The following CDC14A variants were observed in gnomAD, a reference collection of about 807,000 sequenced individuals.
CDC14A encodes cell division cycle 14A.
CDC14A carries 53 observed loss-of-function variants against 74.4 expected under a neutral mutation model. The ratio of observed to expected loss-of-function variants is 0.71; its 90% CI spans 0.57 to 0.89. CDC14A has a LOEUF of 0.89. Among genes scored for constraint, CDC14A ranks in the 40% least tolerant of loss-of-function variants. The pLI is 0.00. For synonymous variants in CDC14A, 247 were observed against 258.4 expected, an observed-to-expected ratio of 0.96 and a Z score of 0.43; for missense variants, 646 against 713.7, an observed-to-expected ratio of 0.91 and a Z score of 1.08.
chr1:100,395,301 C>T (rs1375558754), intron 4 of CDC14A, among the ~76,000 whole-genome samples: 1 of 152,124 alleles, frequency 6.6e-6, no homozygotes, highest in Non-Finnish European at 1.5e-5. Flanking sequence ...CTAAATGATA[C>T]CTCAAATTTA....
At chr1:100,380,928 C>A (rs781348228) in intron 3 of CDC14A, among the ~76,000 whole-genome samples, 6 of 152,196 alleles carry the variant, frequency 3.9e-5, no homozygotes, top group Non-Finnish European at 8.8e-5. Context: ...GTCCAGCCAC[C>A]ACCCTTTAGG....
At chr1:100,449,250 C>T (rs1665876342) in intron 7 of CDC14A, among the ~76,000 whole-genome samples, 3 of 152,172 alleles carry the variant, frequency 2.0e-5, no homozygotes, top group South Asian at 4.1e-4. Flanking sequence ...GGGATTGAGT[C>T]TTTCTTGGAT....
At chr1:100,387,650 G>A (rs980690492) in intron 3 of CDC14A, among the ~76,000 whole-genome samples, 2 of 152,096 alleles carry the variant, frequency 1.3e-5, no homozygotes, top group Admixed American at 1.3e-4. Flanking sequence ...AGCTTATAAA[G>A]TTTAAGCATT....
intron 4 of CDC14A, among the ~76,000 whole-genome samples, chr1:100,391,319 A>G (rs912376173): frequency 7.2e-5 from 11 of 152,070 alleles, no homozygotes; most frequent in African/African-American, 2.7e-4. Context: ...TAAATCCTGC[A>G]TATATTATAG....
Position 100,398,683 on chromosome 1 carries a change from A to G in CDC14A, c.309+7859A>G, listed in dbSNP as rs114809889. On this transcript the variant is annotated intron_variant, in intron 4 of 15. Coordinates refer to ENST00000336454, the MANE Select transcript of CDC14A (RefSeq NM_003672.4). ...ATGTGGGACAGGTGAGCAATAAACA[A>G]TTGTTTAAAGCGGGCAATAGGTACA... Among the ~76,000 whole-genome samples, 589 of 152,320 alleles carry G rather than the reference A, an allele frequency of 3.9e-3. 5 individuals are homozygous for G. The highest frequency in any genetic ancestry group is 0.013 in the African/African-American group (557 of 41,570).
chr1:100,434,706 C>G (rs941808919), intron 5 of CDC14A, among the ~76,000 whole-genome samples: 1 of 151,862 alleles, frequency 6.6e-6, no homozygotes. Context: ...AGACAGGGAG[C>G]GCTGCAAGAC....
intron 8 of CDC14A, among the ~76,000 whole-genome samples, chr1:100,460,679 T>G (rs1327669622): frequency 6.6e-6 from 1 of 152,256 alleles, no homozygotes; most frequent in African/African-American, 2.4e-5. Context: ...TTTTTGCAGT[T>G]AGAAAAGCAT....
At chr1:100,427,115 G>T (rs1663053484) in intron 5 of CDC14A, among the ~76,000 whole-genome samples, 1 of 151,510 alleles carries the variant, frequency 6.6e-6, no homozygotes. Flanking sequence ...TTATAATCTG[G>T]GTTTTATTAT....
At chr1:100,488,994 G>A (rs183537329) in intron 11 of CDC14A, among the ~76,000 whole-genome samples, 1 of 152,306 alleles carries the variant, frequency 6.6e-6, no homozygotes, top group East Asian at 1.9e-4. Flanking sequence ...GCTGAGGGTG[G>A]AAGGCCAGGG....
At chr1:100,498,244 A>G in intron 14 of CDC14A, 37 bp downstream of exon 14, 1 of 1,600,604 alleles carries the variant, frequency 6.2e-7, no homozygotes, top group Non-Finnish European at 8.5e-7. Context: ...TGCTGGTTTG[A>G]GGTAAAGGAA....
At chr1:100,467,856 C>G in intron 9 of CDC14A, 100 bp from the exon 10 acceptor site, 1 of 1,159,162 alleles carries the variant, frequency 8.6e-7, no homozygotes, top group Non-Finnish European at 1.2e-6. Context: ...TATCATCACA[C>G]TTGAATGCAG....
intron 2 of CDC14A, among the ~76,000 whole-genome samples, chr1:100,369,912 G>A (rs188429977): frequency 6.6e-6 from 1 of 151,782 alleles, no homozygotes; most frequent in African/African-American, 2.4e-5. Context: ...CTGGGCTCAA[G>A]TGATCCTCCT....
chr1:100,405,239 A>G (rs1451061749), intron 4 of CDC14A, among the ~76,000 whole-genome samples: 1 of 152,130 alleles, frequency 6.6e-6, no homozygotes, highest in Non-Finnish European at 1.5e-5. Flanking sequence ...AACATGGCTC[A>G]TTTATAGCTT....
chr1:100,357,286 C>T (rs1231029093), intron 2 of CDC14A, among the ~76,000 whole-genome samples: 1 of 152,056 alleles, frequency 6.6e-6, no homozygotes, highest in Non-Finnish European at 1.5e-5. Flanking sequence ...GTCTGTATTT[C>T]ACAAGTAGAA....
intron 2 of CDC14A, among the ~76,000 whole-genome samples, chr1:100,360,155 A>G (rs1226652691): frequency 1.4e-5 from 2 of 142,012 alleles, no homozygotes; most frequent in East Asian, 4.1e-4. Context: ...AGGTTTCACC[A>G]TGTTGGCCGG....
intron 7 of CDC14A, among the ~76,000 whole-genome samples, chr1:100,449,660 C>T (rs1434948841): frequency 6.6e-6 from 1 of 152,222 alleles, no homozygotes; most frequent in East Asian, 1.9e-4. Flanking sequence ...ACTCTGTTTA[C>T]ACATCTGTGT....
chr1:100,513,296 A>C (rs944696963), intron 15 of CDC14A, among the ~76,000 whole-genome samples: 1 of 152,196 alleles, frequency 6.6e-6, no homozygotes, highest in Non-Finnish European at 1.5e-5. Context: ...GTTGCCAAGC[A>C]TGTATTTTTT....
At chr1:100,384,624 T>C (rs1215551793) in intron 3 of CDC14A, among the ~76,000 whole-genome samples, 2 of 152,202 alleles carry the variant, frequency 1.3e-5, no homozygotes, top group African/African-American at 2.4e-5. Context: ...ATGGAACCCA[T>C]AGAACCTTCT....
intron 3 of CDC14A, among the ~76,000 whole-genome samples, chr1:100,389,462 A>AAAT (rs1553173939): frequency 1.3e-5 from 2 of 149,814 alleles, no homozygotes; most frequent in African/African-American, 4.9e-5. Flanking sequence ...AAAAAAAAAA[A>AAAT]ATATATATAT....
Sources: gnomAD v4.1 joint callset for allele counts (sites outside exome capture counted in the v4.1 genomes callset) on GRCh38, gnomAD v4.1.1 for gene constraint, MANE v1.5 for transcripts, NCBI Gene and HGNC (gene_info 2026-07-23, HGNC 2026-07-21) for gene names.